The following MED15 variants were observed in gnomAD, a reference collection of about 807,000 sequenced individuals.
MED15 encodes the protein mediator of RNA polymerase II transcription subunit 15.
In MED15, 41 loss-of-function variants were observed where a neutral mutation model predicts 118.7. The ratio of observed to expected loss-of-function variants is 0.35; its 90% CI spans 0.27 to 0.45. The LOEUF (loss-of-function observed/expected upper bound fraction) is 0.45, where lower values mean the gene tolerates loss of function less well. Among genes scored for constraint, MED15 ranks in the 20% least tolerant of loss-of-function variants. The probability of loss-of-function intolerance (pLI) is 1.00; values close to 1 mark genes in which losing one functional copy is unlikely to be tolerated. For missense variants in MED15, 740 were observed against 1,025.5 expected, an observed-to-expected ratio of 0.72 and a Z score of 3.80; for synonymous variants, 436 against 413.9, an observed-to-expected ratio of 1.05 and a Z score of -0.65.
intron 4 of MED15, among the ~76,000 whole-genome samples, 198 bp downstream of exon 4, chr22:20,553,372 C>A (rs966622846): frequency 6.6e-6 from 1 of 152,184 alleles, no homozygotes; most frequent in Non-Finnish European, 1.5e-5. Flanking sequence ...ACTGTGAAGT[C>A]GCATGATCCT....
chr22:20,525,306 A>G (rs1331160846), intron 1 of MED15, among the ~76,000 whole-genome samples: 5 of 149,406 alleles, frequency 3.3e-5, no homozygotes, highest in African/African-American at 5.1e-5. Context: ...AGAAAGGTGA[A>G]CATGAGTTTT....
chr22:20,540,788 C>G (rs1308205230), intron 2 of MED15, among the ~76,000 whole-genome samples: 1 of 151,970 alleles, frequency 6.6e-6, no homozygotes, highest in East Asian at 1.9e-4. Context: ...TCATAGGACA[C>G]TGTCATAAGA....
chr22:20,527,302 C>G (rs549212436), intron 1 of MED15, among the ~76,000 whole-genome samples: 1 of 151,992 alleles, frequency 6.6e-6, no homozygotes, highest in African/African-American at 2.4e-5. Context: ...TCAATTTTTT[C>G]TTTGACCTTT....
At position 20,575,197 on chromosome 22, in the gene MED15, A is replaced by C; in HGVS notation, c.1237A>C (p.Ser413Arg). 1 of 1,614,142 alleles carries C rather than the reference A, an allele frequency of 6.2e-7. No individual in the cohort carries two copies. The highest frequency in any genetic ancestry group is 8.5e-7 in the Non-Finnish European group (1 of 1,180,034). The change falls in exon 9 of 18, where the codon AGC becomes CGC. Residue 413 changes from serine to arginine, a missense_variant. Around this residue, in one of 7 missense-constraint regions of MED15, gnomAD observed 384 missense variants for 506.3 expected, o/e 0.76. Coordinates refer to ENST00000263205, the MANE Select transcript of MED15 (RefSeq NM_001003891.3). ...CACCGCTGTGTCCGCCATCCCGTCA[A>C]GCTCCATCCCTTTGGGCAGACAGCC... Reference protein sequence around the residue: ...PTTAVSAIPSSSIPLGRQPMA... With the variant: ...PTTAVSAIPSRSIPLGRQPMA...
At chr22:20,545,595 C>T (rs1368180884) in intron 2 of MED15, among the ~76,000 whole-genome samples, 1 of 151,902 alleles carries the variant, frequency 6.6e-6, no homozygotes, top group Non-Finnish European at 1.5e-5. Context: ...AATTGTATCT[C>T]AGCCAGCCTA....
intron 9 of MED15, among the ~76,000 whole-genome samples, chr22:20,577,589 T>C (rs982398809): frequency 6.6e-6 from 1 of 151,848 alleles, no homozygotes; most frequent in African/African-American, 2.4e-5. Flanking sequence ...GAGAAATATA[T>C]GATGAAGCTG....
intron 6 of MED15, among the ~76,000 whole-genome samples, chr22:20,565,460 G>A (rs1189733920): frequency 1.3e-5 from 2 of 152,208 alleles, no homozygotes; most frequent in South Asian, 2.1e-4. Flanking sequence ...GTGATGTCAT[G>A]TTAGCAGCAC....
chr22:20,584,134 TGTC>T (rs979431161), intron 13 of MED15: 6 of 580,594 alleles, frequency 1.0e-5, no homozygotes, highest in Non-Finnish European at 1.8e-5. Flanking sequence ...GCCTGGCCAC[TGTC>T]CCTTCTCTTG....
intron 2 of MED15, among the ~76,000 whole-genome samples, chr22:20,537,588 C>T (rs1221745370): frequency 2.0e-5 from 3 of 152,202 alleles, no homozygotes; most frequent in African/African-American, 7.2e-5. Context: ...CCCTACAGGG[C>T]CCTGAGGCAT....
intron 1 of MED15, among the ~76,000 whole-genome samples, chr22:20,513,257 C>T (rs1262226257): frequency 6.7e-6 from 1 of 149,360 alleles, no homozygotes; most frequent in Non-Finnish European, 1.5e-5. Flanking sequence ...CCACTTGTTA[C>T]ACTTGTTAGC....
At chr22:20,526,479 G>A (rs1254160235) in intron 1 of MED15, among the ~76,000 whole-genome samples, 2 of 152,090 alleles carry the variant, frequency 1.3e-5, no homozygotes, top group Non-Finnish European at 2.9e-5. Context: ...TGCATAAATC[G>A]GTAATGAATG....
intron 1 of MED15, among the ~76,000 whole-genome samples, chr22:20,509,200 A>G (rs1187728418): frequency 6.6e-6 from 1 of 152,096 alleles, no homozygotes; most frequent in Non-Finnish European, 1.5e-5. Flanking sequence ...AGCAGGTACT[A>G]GCACTTTAGT....
At chr22:20,531,702 A>T (rs1460107971) in intron 1 of MED15, among the ~76,000 whole-genome samples, 1 of 152,264 alleles carries the variant, frequency 6.6e-6, no homozygotes, top group Admixed American at 6.5e-5. Flanking sequence ...AGAGCCAGTT[A>T]TTGTGCCTGG....
At chr22:20,584,613 T>C (rs1404153634) in intron 14 of MED15, 188 bp downstream of exon 14, 1 of 829,982 alleles carries the variant, frequency 1.2e-6, no homozygotes, top group East Asian at 2.6e-5. Flanking sequence ...TCACCCTCTG[T>C]CTACGGCCCC....
rs2057117138 is a variant in MED15 at position 20,585,757 on chromosome 22, C to T, written c.2161C>T (p.Leu721=). 1 of 1,613,494 alleles carries T rather than the reference C, an allele frequency of 6.2e-7. No homozygotes were observed. The highest frequency in any genetic ancestry group is 8.5e-7 in the Non-Finnish European group (1 of 1,180,010). ...DDKDLPSVPP[L]ELSVPADYPA... Reference sequence around the variant, plus strand: ...CAAGGACCTCCCAAGTGTGCCACCACTGGAGCTCAGTGTGCCCGCTGACTA... The same window carrying T: ...CAAGGACCTCCCAAGTGTGCCACCATTGGAGCTCAGTGTGCCCGCTGACTA... Residue 721 remains leucine (L), a synonymous_variant, in exon 17 of 18, where the codon CTG becomes TTG. Coordinates refer to ENST00000263205, the MANE Select transcript of MED15 (RefSeq NM_001003891.3).
At chr22:20,541,031 A>T (rs2055278595) in intron 2 of MED15, among the ~76,000 whole-genome samples, 1 of 152,166 alleles carries the variant, frequency 6.6e-6, no homozygotes, top group Non-Finnish European at 1.5e-5. Context: ...GATTGAGACC[A>T]TCCTGGCTAA....
At chr22:20,566,901 C>T in intron 7 of MED15, 84 bp downstream of exon 7, 7 of 1,561,274 alleles carry the variant, frequency 4.5e-6, no homozygotes, top group Non-Finnish European at 6.1e-6. Flanking sequence ...CTAGAGATAG[C>T]ATATCCTATT....
At chr22:20,585,910 C>A in intron 17 of MED15, 84 bp downstream of exon 17, 4 of 1,336,236 alleles carry the variant, frequency 3.0e-6, no homozygotes, top group Non-Finnish European at 4.2e-6. Context: ...GCAGCAGGGA[C>A]AGCCTCTGTG....
Position 20,507,744 on chromosome 22 carries a change from A to G in MED15, c.66A>G (p.Gln22=), listed in dbSNP as rs1207075955. The G allele has an allele frequency of 6.2e-7, 1 of 1,614,042 alleles. No homozygotes were observed. The highest frequency in any genetic ancestry group is 1.3e-5 in the African/African-American group (1 of 75,062). The part of the protein sequence containing the change: ...STAFRQKLVS[Q]IEDAMRKAGV... The stretch of plus-strand genomic sequence containing the variant: ...CCTTCCGGCAGAAGCTGGTCAGTCA[A>G]ATGTGAGTAGTGGTCGGGGCAGGGG... The change falls in exon 1 of 18, where the codon CAA becomes CAG. Residue 22 remains glutamine, a splice_region_variant and synonymous_variant. Transcript: ENST00000263205.
Sources: allele counts gnomAD v4.1 joint callset (sites outside exome capture counted in the v4.1 genomes callset), GRCh38; gene constraint gnomAD v4.1.1; regional missense constraint gnomAD v4.1.1; transcripts MANE v1.5; gene names NCBI Gene and HGNC (gene_info 2026-07-23, HGNC 2026-07-21).